Variants in CD99 observed in about 807,000 individuals in gnomAD.
The protein encoded by CD99 is CD99 molecule (Xg blood group).
In CD99, 19 loss-of-function variants were observed where a neutral mutation model predicts 28.4. That is an observed-to-expected ratio of 0.67 (90% CI 0.47 to 0.98). The LOEUF (loss-of-function observed/expected upper bound fraction) is 0.98, where lower values mean the gene tolerates loss of function less well. Ranked by LOEUF, CD99 falls within the 50% of genes least tolerant of loss-of-function variation. The pLI, the probability that CD99 is intolerant of heterozygous loss-of-function variation, is 0.00. For missense variants in CD99, 283 were observed against 248.8 expected (o/e 1.14, Z -0.92); for synonymous variants, 103 against 92.1 (o/e 1.12, Z -0.67).
In CD99 at chrX:2,735,390, G is replaced by T. The variant is rs112830609; in HGVS notation, c.476-2810G>T. ...CTTGGTCTAAGTTTTGACAGGAAGGGTATGTGGGTAGGGGTGTACGGAGCA... is the reference window on the plus strand; with the variant it reads ...CTTGGTCTAAGTTTTGACAGGAAGGTTATGTGGGTAGGGGTGTACGGAGCA... On this transcript the variant is annotated intron_variant, in intron 8 of 9. Coordinates refer to ENST00000381192, the MANE Select transcript of CD99 (RefSeq NM_002414.5). Among the ~76,000 whole-genome samples the T allele has an allele frequency of 8.4e-3, 1,277 of 152,296 alleles. 17 individuals are homozygous for T. The highest frequency in any genetic ancestry group is 0.029 in the African/African-American group (1,193 of 41,556).
intron 1 of CD99, among the ~76,000 whole-genome samples, chrX:2,697,782 G>A (rs1241828691): frequency 6.6e-6 from 1 of 151,994 alleles, no homozygotes; most frequent in Non-Finnish European, 1.5e-5. Context: ...AATGGGTTGG[G>A]TTCTAAATAT....
At chrX:2,694,996 T>C (rs2047506145) in intron 1 of CD99, among the ~76,000 whole-genome samples, 1 of 152,194 alleles carries the variant, frequency 6.6e-6, no homozygotes, top group Admixed American at 6.5e-5. Context: ...CGGGATTTCA[T>C]GGATACTGTC....
intron 2 of CD99, 67 bp from the exon 3 acceptor site, chrX:2,717,538 C>A: frequency 7.9e-7 from 1 of 1,257,906 alleles, no homozygotes; most frequent in Non-Finnish European, 1.2e-6. Context: ...CATCCTTAAC[C>A]ACAAAAGAGT....
At chrX:2,713,899 A>G (rs1443313282) in intron 1 of CD99, among the ~76,000 whole-genome samples, 1 of 152,216 alleles carries the variant, frequency 6.6e-6, no homozygotes, top group Non-Finnish European at 1.5e-5. Flanking sequence ...TTGTAATTAA[A>G]GACTGTAGAA....
chrX:2,700,489 C>T (rs2047795421), intron 1 of CD99, among the ~76,000 whole-genome samples: 2 of 151,854 alleles, frequency 1.3e-5, no homozygotes, highest in Non-Finnish European at 1.5e-5. Flanking sequence ...TCAACCCATC[C>T]TCCCATTCAT....
chrX:2,712,756 AACAC>A (rs777980846), intron 1 of CD99, among the ~76,000 whole-genome samples: 40 of 152,156 alleles, frequency 2.6e-4, no homozygotes, highest in Admixed American at 9.8e-4. Flanking sequence ...CACACACAGA[AACAC>A]ACACGCAGCC....
At chrX:2,736,887 A>AT (rs1260664449) in intron 8 of CD99, among the ~76,000 whole-genome samples, 2 of 133,898 alleles carry the variant, frequency 1.5e-5, no homozygotes, top group Non-Finnish European at 1.8e-5. Flanking sequence ...AAATAAATAA[A>AT]TAAATAAATA....
Position 2,717,655 on chromosome X carries a change from G to T in CD99, c.148+3G>T, listed in dbSNP as rs746582746. 1 of 1,613,182 alleles carries T rather than the reference G, an allele frequency of 6.2e-7. No homozygotes were observed. The highest frequency in any genetic ancestry group is 1.3e-5 in the African/African-American group (1 of 75,036). ...AATCCCCAAGAAACCCAGTGCTGGT[G>T]AGAAGGGCTTCTTCCTAGTATGCAA... On this transcript the variant is annotated splice_donor_region_variant and intron_variant, in intron 3 of 9. Transcript: ENST00000381192.
rs186734701 is a variant in CD99, at chrX:2,694,866, T to C, written c.67+3439T>C. Among the ~76,000 whole-genome samples, 4 of 152,262 alleles carry C rather than the reference T, an allele frequency of 2.6e-5. No homozygotes were observed. The East Asian group carries it at 7.7e-4, about 29-fold the overall frequency. On this transcript the variant is annotated intron_variant, in intron 1 of 9. Coordinates refer to ENST00000381192, the MANE Select transcript of CD99 (RefSeq NM_002414.5). ...TACACTTTGGAGATACTCAAGTAAATGATTGTTTGTCTGGAAATCATTTTT... is the reference window on the plus strand; with the variant it reads ...TACACTTTGGAGATACTCAAGTAAACGATTGTTTGTCTGGAAATCATTTTT...
chrX:2,740,839 G>T lies in CD99; in HGVS notation c.*35G>T. 1 of 1,613,430 alleles carries T rather than the reference G, an allele frequency of 6.2e-7. No homozygotes were observed. The highest frequency in any genetic ancestry group is 8.5e-7 in the Non-Finnish European group (1 of 1,179,356). ...GGCAGAAACAGCCCAGGCGTTGGCAGCAGGGTTAGAACAGCTGCCTGAGGC... is the reference window on the plus strand; with the variant it reads ...GGCAGAAACAGCCCAGGCGTTGGCATCAGGGTTAGAACAGCTGCCTGAGGC... On this transcript the variant is annotated 3_prime_UTR_variant, in exon 10 of 10. Coordinates refer to ENST00000381192, the MANE Select transcript of CD99 (RefSeq NM_002414.5).
chrX:2,737,092 G>A lies in CD99; in HGVS notation c.476-1108G>A, dbSNP rs771001657. Among the ~76,000 whole-genome samples, 4 of 152,150 alleles carry A rather than the reference G, an allele frequency of 2.6e-5. No homozygotes were observed. In the East Asian group the frequency reaches 7.7e-4, roughly 29 times the overall value. On this transcript the variant is annotated intron_variant, in intron 8 of 9. Transcript: ENST00000381192. ...CCAATTCAACCTGAGAAGGATGATT[G>A]GTGGAGGTGGGTAAAGGAAGAAAGT...
At chrX:2,701,283 C>A (rs1026618506) in intron 1 of CD99, among the ~76,000 whole-genome samples, 17 of 151,894 alleles carry the variant, frequency 1.1e-4, no homozygotes, top group African/African-American at 3.9e-4. Context: ...GCCTGTCCAT[C>A]CACCCTCCCA....
chrX:2,733,238 G>C lies in CD99; in HGVS notation c.476-4962G>C, dbSNP rs189667283. On this transcript the variant is annotated intron_variant, in intron 8 of 9. Coordinates refer to ENST00000381192, the MANE Select transcript of CD99 (RefSeq NM_002414.5). ...CTCTATCCCATTACTTCCTTGCTCA[G>C]AGCAGCTCTTTCTAACACCTCCCTG... 3.1e-3 allele frequency: 3,250 copies of C among 1,060,910 alleles called. 11 individuals carry two copies. The highest frequency in any genetic ancestry group is 3.4e-3 in the Non-Finnish European group (2,408 of 701,328). The allele number at this position is 1,060,910 out of a possible 1,614,324, so 65.7% of individuals were successfully genotyped here. A position where few individuals can be genotyped will look rare whatever the true frequency, so the allele number is the denominator to read the frequency against.
intron 1 of CD99, among the ~76,000 whole-genome samples, chrX:2,708,743 T>C (rs2048240386): frequency 6.6e-6 from 1 of 151,954 alleles, no homozygotes; most frequent in Non-Finnish European, 1.5e-5. Flanking sequence ...CTCTCAGACT[T>C]GTTGTCTTGG....
chrX:2,726,398 C>T (rs2049285248), intron 8 of CD99, 25 bp downstream of exon 8: 1 of 1,369,562 alleles, frequency 7.3e-7, no homozygotes, highest in African/African-American at 1.4e-5. Context: ...GCCGGTGCCT[C>T]TCCTTCATGC....
At chrX:2,701,160 T>C (rs998912760) in intron 1 of CD99, among the ~76,000 whole-genome samples, 2 of 149,836 alleles carry the variant, frequency 1.3e-5, no homozygotes, top group African/African-American at 4.9e-5. Flanking sequence ...TCCACCCAGC[T>C]GTCCACCCAA....
chrX:2,729,443 C>T (rs1295654890), intron 8 of CD99, among the ~76,000 whole-genome samples: 3 of 150,650 alleles, frequency 2.0e-5, no homozygotes, highest in Non-Finnish European at 3.0e-5. Flanking sequence ...GGAAACTTAA[C>T]AATCATGGCA....
chrX:2,733,320 A>G (rs2049770753), intron 8 of CD99: 1 of 1,555,892 alleles, frequency 6.4e-7, no homozygotes, highest in Non-Finnish European at 8.7e-7. Context: ...TACTTTTTGT[A>G]TTATTATTTT....
In CD99 at chrX:2,728,873, A is replaced by G. The variant is rs760657093; in HGVS notation, c.475+2500A>G. Among the ~76,000 whole-genome samples, 21 of 121,002 alleles carry G rather than the reference A, an allele frequency of 1.7e-4. No homozygotes were observed. In the East Asian group the frequency reaches 3.3e-3, roughly 19 times the overall value. The allele number at this position is 121,002 out of a possible 152,430, so 79.4% of individuals were successfully genotyped here. A position where few individuals can be genotyped will look rare whatever the true frequency, so the allele number is the denominator to read the frequency against. On this transcript the variant is annotated intron_variant, in intron 8 of 9. Transcript: ENST00000381192. ...TTTTTTTGAGACGGAGTCTCGCTCT[A>G]TCGCCCAGAATGGAGGGCAGTGGTG...
Sources: allele counts gnomAD v4.1 joint callset (sites outside exome capture counted in the v4.1 genomes callset), GRCh38; gene constraint gnomAD v4.1.1; transcripts MANE v1.5; gene names NCBI Gene and HGNC (gene_info 2026-07-23, HGNC 2026-07-21).